Variants in ATG2B observed in about 807,000 individuals in gnomAD.
The protein encoded by ATG2B is autophagy-related protein 2 homolog B.
ATG2B carries 121 observed loss-of-function variants against 241.3 expected under a neutral mutation model. The observed-to-expected ratio is 0.50, with a 90% CI of 0.43 to 0.58. ATG2B has a LOEUF of 0.58. Ranked by LOEUF, ATG2B falls within the 20% of genes least tolerant of loss-of-function variation. The pLI is 0.00. For synonymous variants in ATG2B, 858 were observed against 876.6 expected, an observed-to-expected ratio of 0.98 and a Z score of 0.37; for missense variants, 2,306 against 2,491.6, an observed-to-expected ratio of 0.93 and a Z score of 1.59.
rs7359066 is a variant in ATG2B at position 96,311,758 on chromosome 14, T to G, written c.3914-140A>C. 0.27 allele frequency: 158,045 copies of G among 593,242 alleles called. 22,222 individuals are homozygous for G. The highest frequency in any genetic ancestry group is 0.3 in the Middle Eastern group (1,100 of 3,690). 36.7% of individuals were successfully genotyped at this position (593,242 alleles called of 1,614,324 possible). ...ATAATTATAATGCAATGAAAATAGT[T>G]TCATCCCATAGAAGTCCTAAAATTC... On this transcript the variant is annotated intron_variant, in intron 26 of 41. Transcript: ENST00000359933.
chr14:96,344,318 G>T (rs1722972985), intron 4 of ATG2B, among the ~76,000 whole-genome samples: 1 of 152,076 alleles, frequency 6.6e-6, no homozygotes, highest in Admixed American at 6.5e-5. Flanking sequence ...CCTAAATATT[G>T]CATTGTTAAT....
chr14:96,339,324 A>G (rs538980882), intron 6 of ATG2B, among the ~76,000 whole-genome samples: 5 of 151,856 alleles, frequency 3.3e-5, no homozygotes, highest in African/African-American at 1.2e-4. Context: ...ATACACACAC[A>G]TATATACACA....
At position 96,300,581 on chromosome 14, in the gene ATG2B, T is replaced by A. The variant is rs549500173; in HGVS notation, c.5139+1426A>T. Among the ~76,000 whole-genome samples the A allele has an allele frequency of 8.7e-4, 132 of 152,276 alleles. No homozygotes were observed. The South Asian group carries it at 0.027, about 31-fold the overall frequency. Reference sequence around the variant, plus strand: ...GTTTCGTAAAGTCATGCCAGAAAGATGTATCTTACTCAAAGTCTTGTTCAC... The same window carrying A: ...GTTTCGTAAAGTCATGCCAGAAAGAAGTATCTTACTCAAAGTCTTGTTCAC... On this transcript the variant is annotated intron_variant, in intron 34 of 41. Transcript: ENST00000359933.
chr14:96,343,717 C>T (rs1888103161), intron 4 of ATG2B, among the ~76,000 whole-genome samples: 1 of 152,202 alleles, frequency 6.6e-6, no homozygotes, highest in South Asian at 2.1e-4. Flanking sequence ...CAGCATTTGG[C>T]TCCAAGTCAC....
chr14:96,350,879 G>A (rs1888299874), intron 1 of ATG2B, among the ~76,000 whole-genome samples: 2 of 152,278 alleles, frequency 1.3e-5, no homozygotes, highest in South Asian at 4.1e-4. Context: ...TACAGACAGT[G>A]GTGGCATCAT....
At chr14:96,306,584 A>T in intron 30 of ATG2B, 130 bp downstream of exon 30, 1 of 702,106 alleles carries the variant, frequency 1.4e-6, no homozygotes, top group East Asian at 2.8e-5. Context: ...TGTCAATAGT[A>T]TATTAAAAAA....
chr14:96,310,411 T>G (rs1399915070), intron 28 of ATG2B, among the ~76,000 whole-genome samples: 1 of 152,158 alleles, frequency 6.6e-6, no homozygotes, highest in Admixed American at 6.5e-5. Context: ...GACTGAGATT[T>G]CTGTTCATAA....
At chr14:96,333,981 G>A in intron 7 of ATG2B, 108 bp from the exon 8 acceptor site, 1 of 890,192 alleles carries the variant, frequency 1.1e-6, no homozygotes, top group Non-Finnish European at 1.8e-6. Flanking sequence ...TAACACCACA[G>A]TGCAAAACCA....
At chr14:96,337,416 A>G (rs906561658) in intron 6 of ATG2B, among the ~76,000 whole-genome samples, 23 of 152,220 alleles carry the variant, frequency 1.5e-4, no homozygotes, top group African/African-American at 4.6e-4. Flanking sequence ...AGGCAAATAT[A>G]GTTGTATTTA....
Position 96,289,515 on chromosome 14 carries a change from G to T in ATG2B, c.6006+141C>A, listed in dbSNP as rs991275833. 1.0e-6 allele frequency: 1 copy of T among 981,598 alleles called. No individual in the cohort carries two copies. The highest frequency in any genetic ancestry group is 1.6e-5 in the African/African-American group (1 of 61,512). The allele number at this position is 981,598 out of a possible 1,614,324, so 60.8% of individuals were successfully genotyped here. A position where few individuals can be genotyped will look rare whatever the true frequency, so the allele number is the denominator to read the frequency against. On this transcript the variant is annotated intron_variant, in intron 41 of 41. Transcript: ENST00000359933. This position sits in a 1 kb window ranked among gnomAD's most constrained non-coding sequence, Gnocchi z 4.3. ...CTTTTCCATCACCTCACACAGATAT[G>T]GGCACATGTTATTAGTGGCAGTTGC...
intron 1 of ATG2B, among the ~76,000 whole-genome samples, chr14:96,350,415 G>A (rs1888283580): frequency 1.3e-5 from 2 of 152,282 alleles, no homozygotes; most frequent in Admixed American, 1.3e-4. Flanking sequence ...GAGTGGTCAA[G>A]CTCAACAAAA....
In ATG2B at chr14:96,279,240, A is replaced by T. The variant is rs999788942; in HGVS notation, c.*6515T>A. ...TTTATTTCATATATATTTATATTTT[A>T]AAAATTATTACAAGTATTGCTAAAA... On this transcript the variant is annotated 3_prime_UTR_variant, in exon 42 of 42. Transcript: ENST00000359933. 5 of 152,210 alleles carry T rather than the reference A, an allele frequency of 3.3e-5. No individual in the cohort carries two copies. The highest frequency in any genetic ancestry group is 1.2e-4 in the African/African-American group (5 of 41,452). The allele number at this position is 152,210 out of a possible 1,614,324, so 9.4% of individuals were successfully genotyped here.
intron 6 of ATG2B, among the ~76,000 whole-genome samples, chr14:96,340,853 G>A (rs936109479): frequency 5.3e-5 from 8 of 151,310 alleles, no homozygotes; most frequent in African/African-American, 1.9e-4. Context: ...AGGAAGTCGA[G>A]GCTGCAGTGA....
chr14:96,362,688 C>T (rs1888694134), intron 1 of ATG2B, 127 bp downstream of exon 1: 4 of 900,730 alleles, frequency 4.4e-6, no homozygotes, highest in African/African-American at 1.7e-5. Context: ...TTCTCTGAGC[C>T]GTGTCACACT....
rs1566728847 is a variant in ATG2B, at chr14:96,332,637, GAGA to G, written c.1223_1225del (p.Phe408del). 1.3e-6 allele frequency: 2 copies of G among 1,574,022 alleles called. No homozygotes were observed. The highest frequency in any genetic ancestry group is 2.4e-5 in the South Asian group (2 of 82,806). ...ATGAGACATGTCCATATCAGCCATG[GAGA>G]AGAATACTTCTTCTTCTAGAGAGAA... is the stretch of plus-strand genomic sequence containing the variant. On this transcript the variant is annotated inframe_deletion, in exon 9 of 42. Coordinates refer to ENST00000359933, the MANE Select transcript of ATG2B (RefSeq NM_018036.7).
chr14:96,311,436 T>TA, intron 27 of ATG2B, 106 bp downstream of exon 27: 1 of 1,184,622 alleles, frequency 8.4e-7, no homozygotes, highest in Non-Finnish European at 1.2e-6. Context: ...TTAATATACT[T>TA]ACTCTATTTC....
At chr14:96,325,499 T>C (rs1887565316) in intron 15 of ATG2B, 150 bp downstream of exon 15, 2 of 723,370 alleles carry the variant, frequency 2.8e-6, no homozygotes, top group Admixed American at 3.0e-5. Flanking sequence ...TTGCATACAA[T>C]ACTAGAAAGA....
chr14:96,290,292 AACAAGCATGAC>A lies in ATG2B; in HGVS notation c.5856+133_5856+143del. 1 of 1,282,052 alleles carries A rather than the reference AACAAGCATGAC, an allele frequency of 7.8e-7. No homozygotes were observed. The highest frequency in any genetic ancestry group is 1.1e-6 in the Non-Finnish European group (1 of 951,892). 79.4% of individuals were successfully genotyped at this position (1,282,052 alleles called of 1,614,324 possible). A position where few individuals can be genotyped will look rare whatever the true frequency, so the allele number is the denominator to read the frequency against. Reference sequence around the variant, plus strand: ...TTAACACTAAACATTTAAGCAATAAAACAAGCATGACATTAAATCACTACGAATAAAGTATC... The same window carrying A: ...TTAACACTAAACATTTAAGCAATAAAATTAAATCACTACGAATAAAGTATC... On this transcript the variant is annotated intron_variant, in intron 40 of 41. Transcript: ENST00000359933. This position sits in a 1 kb window ranked among gnomAD's most constrained non-coding sequence, Gnocchi z 4.4.
At chr14:96,325,618 A>C (rs767745817) in intron 15 of ATG2B, 31 bp downstream of exon 15, 6 of 1,586,954 alleles carry the variant, frequency 3.8e-6, no homozygotes, top group East Asian at 2.2e-5. Flanking sequence ...GTTATCTAGG[A>C]TGGTTCTTTT....
Sources: allele counts gnomAD v4.1 joint callset (sites outside exome capture counted in the v4.1 genomes callset), GRCh38; gene constraint gnomAD v4.1.1; non-coding constraint Gnocchi (gnomAD v3.1); transcripts MANE v1.5; gene names NCBI Gene and HGNC (gene_info 2026-07-23, HGNC 2026-07-21).